The following MOB1B variants were observed in gnomAD, a reference collection of about 807,000 sequenced individuals.
MOB1B encodes the protein MOB1 Mps One Binder homolog B.
In MOB1B, 19 loss-of-function variants were observed where a neutral mutation model predicts 24.4. That is an observed-to-expected ratio of 0.78 (90% CI 0.54 to 1.14). The LOEUF (loss-of-function observed/expected upper bound fraction) is 1.14. Among genes scored for constraint, MOB1B ranks in the 50% most tolerant of loss-of-function variants. The pLI is 0.00. For synonymous variants in MOB1B, 76 were observed against 82.1 expected (o/e 0.93, Z 0.40); for missense variants, 243 against 259.6 (o/e 0.94, Z 0.44).
At chr4:70,963,382 A>G (rs771474950) in intron 2 of MOB1B, among the ~76,000 whole-genome samples, 4 of 152,160 alleles carry the variant, frequency 2.6e-5, no homozygotes, top group Non-Finnish European at 5.9e-5. Context: ...ATAAAATAGA[A>G]TTAATAAAAA....
intron 1 of MOB1B, among the ~76,000 whole-genome samples, chr4:70,943,069 T>C (rs1352733757): frequency 6.6e-6 from 1 of 152,182 alleles, no homozygotes; most frequent in Admixed American, 6.6e-5. Context: ...AAAGAGTGTA[T>C]GCTTTTTGTA....
rs551028805 is a variant in MOB1B, at chr4:70,954,444, T to G, written c.15-4430T>G. 1.4e-4 allele frequency among the ~76,000 whole-genome samples: 22 copies of G among 152,282 alleles called. 1 individual carries two copies. The highest frequency in any genetic ancestry group is 1.2e-3 in the Admixed American group (19 of 15,284). ...ACAAAATTGAATTCAGATTTTATTT[T>G]TTCTTTTCTTTTCTTTTTCTTTTTC... On this transcript the variant is annotated intron_variant, in intron 1 of 5. Coordinates refer to ENST00000309395, the MANE Select transcript of MOB1B (RefSeq NM_173468.4).
chr4:70,920,836 A>G (rs1455418806), intron 1 of MOB1B, among the ~76,000 whole-genome samples: 1 of 152,022 alleles, frequency 6.6e-6, no homozygotes, highest in Admixed American at 6.6e-5. Context: ...TATACTCAAC[A>G]CAGTTAAAGT....
At chr4:70,930,965 CTTTT>C (rs71211981) in intron 1 of MOB1B, among the ~76,000 whole-genome samples, 16 of 114,312 alleles carry the variant, frequency 1.4e-4, no homozygotes, top group Admixed American at 2.9e-4. Context: ...TGTACCTTTC[CTTTT>C]TTTTTTTTTT....
chr4:70,931,780 G>T (rs975423868), intron 1 of MOB1B, among the ~76,000 whole-genome samples: 1 of 152,136 alleles, frequency 6.6e-6, no homozygotes, highest in Non-Finnish European at 1.5e-5. Context: ...TCTGAGGCTG[G>T]AGTGCAGTGG....
At chr4:70,973,486 A>C (rs1016909348) in intron 3 of MOB1B, among the ~76,000 whole-genome samples, 1 of 151,712 alleles carries the variant, frequency 6.6e-6, no homozygotes, top group Non-Finnish European at 1.5e-5. Flanking sequence ...AAAAAAAAAA[A>C]AAAAAAACAT....
At chr4:70,937,503 T>C (rs539725903) in intron 1 of MOB1B, among the ~76,000 whole-genome samples, 1 of 151,764 alleles carries the variant, frequency 6.6e-6, no homozygotes, top group Non-Finnish European at 1.5e-5. Flanking sequence ...TTTTTTTTTC[T>C]CGTTTCCCAT....
rs1322697843 is a variant in MOB1B at position 70,902,431 on chromosome 4, C to T, written c.-106C>T. On this transcript the variant is annotated 5_prime_UTR_variant, in exon 1 of 6. Transcript: ENST00000309395. Reference sequence around the variant, plus strand: ...AGCAGCCGGCTCTCGGCACCTCCTCCTCCGCCTCCCTGTCTCCTGTTCCAT... The same window carrying T: ...AGCAGCCGGCTCTCGGCACCTCCTCTTCCGCCTCCCTGTCTCCTGTTCCAT... 2 of 1,286,632 alleles carry T rather than the reference C, an allele frequency of 1.6e-6. No homozygotes were observed. Among genetic ancestry groups the T allele is most frequent in the South Asian group, 1.3e-5 (1 of 79,000 alleles). 79.7% of individuals were successfully genotyped at this position (1,286,632 alleles called of 1,614,324 possible). A position where few individuals can be genotyped will look rare whatever the true frequency, so the allele number is the denominator to read the frequency against.
chr4:70,935,550 C>T (rs1737046250), intron 1 of MOB1B, among the ~76,000 whole-genome samples: 1 of 152,134 alleles, frequency 6.6e-6, no homozygotes, highest in African/African-American at 2.4e-5. Flanking sequence ...TCTAGGACTT[C>T]CCGACACTGC....
intron 1 of MOB1B, among the ~76,000 whole-genome samples, chr4:70,934,093 A>G (rs1472856396): frequency 6.6e-6 from 1 of 151,816 alleles, no homozygotes; most frequent in East Asian, 1.9e-4. Flanking sequence ...TTATTTATTT[A>G]TTTATTTTTG....
chr4:70,973,664 CAAGAGG>C (rs1417398607), intron 3 of MOB1B, among the ~76,000 whole-genome samples: 1 of 151,982 alleles, frequency 6.6e-6, no homozygotes, highest in Admixed American at 6.6e-5. Context: ...AACAGAATAT[CAAGAGG>C]TGTTGGAAAG....
At chr4:70,963,453 A>T (rs1468828562) in intron 2 of MOB1B, among the ~76,000 whole-genome samples, 1 of 152,252 alleles carries the variant, frequency 6.6e-6, no homozygotes, top group African/African-American at 2.4e-5. Flanking sequence ...ATAGTAGGAT[A>T]TTAATAGTAA....
intron 1 of MOB1B, among the ~76,000 whole-genome samples, chr4:70,952,935 CTTT>C (rs71211985): frequency 9.0e-4 from 65 of 72,298 alleles, no homozygotes; most frequent in African/African-American, 3.2e-3. Context: ...GTCATTTGGT[CTTT>C]TTTTTTTTTT....
intron 2 of MOB1B, among the ~76,000 whole-genome samples, chr4:70,962,241 A>G (rs1392014957): frequency 6.6e-6 from 1 of 152,132 alleles, no homozygotes; most frequent in Non-Finnish European, 1.5e-5. Flanking sequence ...TGCATTCATC[A>G]CTGTAGTTGA....
At chr4:70,957,753 ATTTTT>A in intron 1 of MOB1B, among the ~76,000 whole-genome samples, 1 of 121,164 alleles carries the variant, frequency 8.3e-6, no homozygotes, top group Non-Finnish European at 1.8e-5. Flanking sequence ...TCCCTGCCTT[ATTTTT>A]TTTTTTTTTT....
chr4:70,945,989 T>A (rs1737560336), intron 1 of MOB1B, among the ~76,000 whole-genome samples: 1 of 151,940 alleles, frequency 6.6e-6, no homozygotes, highest in African/African-American at 2.4e-5. Flanking sequence ...AAGAGTTTAA[T>A]TTCAAAGCAT....
chr4:70,980,149 TC>T (rs1157120467), intron 5 of MOB1B, among the ~76,000 whole-genome samples: 2 of 152,132 alleles, frequency 1.3e-5, no homozygotes, highest in Middle Eastern at 3.2e-3. Flanking sequence ...GTATCCATCT[TC>T]CCCCTGTACA....
chr4:70,973,346 T>C (rs1281108354), intron 3 of MOB1B, among the ~76,000 whole-genome samples: 1 of 151,858 alleles, frequency 6.6e-6, no homozygotes, highest in African/African-American at 2.4e-5. Flanking sequence ...GGCTCACACC[T>C]GTAATCTCGG....
chr4:70,957,359 G>A (rs1738106980), intron 1 of MOB1B, among the ~76,000 whole-genome samples: 2 of 151,072 alleles, frequency 1.3e-5, no homozygotes, highest in Non-Finnish European at 2.9e-5. Flanking sequence ...GAGAATAATG[G>A]ACAGGGGTGA....
Sources: allele counts gnomAD v4.1 joint callset (sites outside exome capture counted in the v4.1 genomes callset), GRCh38; gene constraint gnomAD v4.1.1; transcripts MANE v1.5; gene names NCBI Gene and HGNC (gene_info 2026-07-23, HGNC 2026-07-21).